OSBPL9: variants seen among roughly 807,000 people sequenced by gnomAD.
OSBPL9 encodes oxysterol-binding protein-related protein 9.
A neutral mutation model predicts 106.6 loss-of-function variants in OSBPL9; 40 were observed. The ratio of observed to expected loss-of-function variants is 0.38; its 90% CI spans 0.29 to 0.49. The LOEUF (loss-of-function observed/expected upper bound fraction) is 0.49. Ranked by LOEUF, OSBPL9 falls within the 20% of genes least tolerant of loss-of-function variation. OSBPL9 has a pLI of 0.97. For synonymous variants in OSBPL9, 269 were observed against 295.4 expected (o/e 0.91, Z 0.92); for missense variants, 609 against 887.2 (o/e 0.69, Z 3.98).
rs891333806 is a variant in OSBPL9 at position 51,776,928 on chromosome 1, T to G, written c.1256+10T>G. On this transcript the variant is annotated intron_variant, in intron 15 of 23. Coordinates refer to ENST00000428468, the MANE Select transcript of OSBPL9 (RefSeq NM_024586.6). The stretch of plus-strand genomic sequence containing the variant: ...CGGACCTGTTTGTGAGGTATTTGAC[T>G]GAACATGGTAGTTTCCAACGTTTAC... 1 of 1,592,560 alleles carries G rather than the reference T, an allele frequency of 6.3e-7. No homozygotes were observed. Among genetic ancestry groups the G allele is most frequent in the Non-Finnish European group, 8.6e-7 (1 of 1,160,686 alleles).
chr1:51,525,160 A>G, the OSBPL9 span, among the ~76,000 whole-genome samples: 1 of 152,248 alleles, frequency 6.6e-6, no homozygotes, highest in Non-Finnish European at 1.5e-5. Context: ...CATGGGCTTC[A>G]GAGTCAAATT....
chr1:51,683,163 C>A (rs1652972284), intron 3 of OSBPL9, among the ~76,000 whole-genome samples: 2 of 151,868 alleles, frequency 1.3e-5, no homozygotes, highest in East Asian at 2.0e-4. Flanking sequence ...GCGTGAACCA[C>A]CATGCCCAGT....
At chr1:51,614,110 A>G (rs578017072), upstream of OSBPL9, among the ~76,000 whole-genome samples, 3 of 152,212 alleles carry the variant, frequency 2.0e-5, no homozygotes, top group South Asian at 6.2e-4. Flanking sequence ...CCAAACGTCT[A>G]CCTTATTCCC....
intron 2 of OSBPL9, among the ~76,000 whole-genome samples, chr1:51,658,443 G>A (rs545797498): frequency 1.3e-5 from 2 of 152,080 alleles, no homozygotes; most frequent in South Asian, 4.2e-4. Context: ...AGGGCCTTAG[G>A]AATCACCAAA....
chr1:51,619,827 A>G (rs967055400), intron 1 of OSBPL9, among the ~76,000 whole-genome samples: 1 of 152,244 alleles, frequency 6.6e-6, no homozygotes, highest in Non-Finnish European at 1.5e-5. Flanking sequence ...AATGATTTGC[A>G]TGTGGCTAAT....
chr1:51,523,143 T>A, the OSBPL9 span, among the ~76,000 whole-genome samples: 3 of 152,208 alleles, frequency 2.0e-5, no homozygotes, highest in South Asian at 6.2e-4. Context: ...AGAATAAGGG[T>A]GCTTTGAACA....
intron 1 of OSBPL9, among the ~76,000 whole-genome samples, chr1:51,588,083 G>A (rs542029316): frequency 1.8e-4 from 28 of 152,266 alleles, no homozygotes; most frequent in African/African-American, 6.7e-4. Flanking sequence ...GTAAAATTAT[G>A]TATACAGAAA....
exon 1 of OSBPL9, chr1:51,577,231 A>G (rs1645190539): frequency 1.3e-5 from 2 of 151,618 alleles, no homozygotes; most frequent in Non-Finnish European, 2.9e-5. Context: ...TGGCAGAACC[A>G]TGCTTCCTGT....
At chr1:51,700,521 C>T (rs781253147) in intron 3 of OSBPL9, among the ~76,000 whole-genome samples, 32 of 151,982 alleles carry the variant, frequency 2.1e-4, no homozygotes, top group Non-Finnish European at 4.3e-4. Flanking sequence ...GAGTATTGGT[C>T]AGTTATTTTG....
intron 2 of OSBPL9, among the ~76,000 whole-genome samples, chr1:51,608,260 C>T (rs1327338123): frequency 6.6e-6 from 1 of 152,090 alleles, no homozygotes; most frequent in Non-Finnish European, 1.5e-5. Flanking sequence ...GACTGCCTTT[C>T]CCTGGCACCA....
chr1:51,778,970 C>T (rs1675685282), intron 15 of OSBPL9, among the ~76,000 whole-genome samples: 1 of 152,138 alleles, frequency 6.6e-6, no homozygotes, highest in African/African-American at 2.4e-5. Flanking sequence ...TGATAACATA[C>T]AGAAAATCTC....
chr1:51,732,835 C>T (rs888841224), intron 4 of OSBPL9, among the ~76,000 whole-genome samples: 17 of 152,188 alleles, frequency 1.1e-4, no homozygotes, highest in African/African-American at 3.9e-4. Context: ...CCCAGCATGT[C>T]CTGGAGGCCC....
chr1:51,784,419 C>G (rs750247576), intron 19 of OSBPL9, 23 bp from the exon 20 acceptor site: 108 of 1,613,738 alleles, frequency 6.7e-5, no homozygotes, highest in Non-Finnish European at 8.6e-5. Context: ...GTCAACCTTA[C>G]CTAAAAACTT....
the OSBPL9 span, among the ~76,000 whole-genome samples, chr1:51,535,515 G>A: frequency 6.6e-6 from 1 of 151,752 alleles, no homozygotes; most frequent in Non-Finnish European, 1.5e-5. Context: ...TCTCCATACT[G>A]TTTCTATTTC....
At position 51,597,489 on chromosome 1, in the gene OSBPL9, G is replaced by GTA. The variant is rs752539519; in HGVS notation, c.-422-622_-422-621dup. Among the ~76,000 whole-genome samples, 806 of 145,202 alleles carry GTA rather than the reference G, an allele frequency of 5.6e-3. 3 individuals carry two copies. Among genetic ancestry groups the GTA allele is most frequent in the East Asian group, 0.044 (214 of 4,914 alleles). ...TACACACACACACAAAGGATAGATT[G>GTA]TATATATATATATACACACACACAT... On this transcript the variant is annotated intron_variant, in intron 1 of 25. Coordinates refer to the OSBPL9 transcript ENST00000371714.
intron 1 of OSBPL9, among the ~76,000 whole-genome samples, chr1:51,619,652 A>C (rs1398518484): frequency 6.6e-6 from 1 of 152,198 alleles, no homozygotes; most frequent in African/African-American, 2.4e-5. Flanking sequence ...GTGAAAATAA[A>C]ATGATACCCA....
chr1:51,733,721 G>A (rs1019448738), intron 4 of OSBPL9, among the ~76,000 whole-genome samples: 1 of 152,034 alleles, frequency 6.6e-6, no homozygotes, highest in Non-Finnish European at 1.5e-5. Context: ...GTTGCAGTGA[G>A]CCGAGGTCAC....
chr1:51,673,186 G>A (rs1650314840), intron 3 of OSBPL9, among the ~76,000 whole-genome samples: 1 of 152,190 alleles, frequency 6.6e-6, no homozygotes, highest in South Asian at 2.1e-4. Flanking sequence ...ACAAGAAAAG[G>A]TGTTTCTAGG....
At chr1:51,664,701 TAAATA>T (rs1048240208) in intron 2 of OSBPL9, among the ~76,000 whole-genome samples, 1 of 151,866 alleles carries the variant, frequency 6.6e-6, no homozygotes, top group African/African-American at 2.4e-5. Flanking sequence ...CAAAAATAAA[TAAATA>T]AATAAATAAG....
Sources: gnomAD v4.1 joint callset for allele counts (sites outside exome capture counted in the v4.1 genomes callset) on GRCh38, gnomAD v4.1.1 for gene constraint, MANE v1.5 for transcripts, NCBI Gene and HGNC (gene_info 2026-07-23, HGNC 2026-07-21) for gene names.